TRAPPC11: variants seen among roughly 807,000 people sequenced by gnomAD.
TRAPPC11 encodes the protein trafficking protein particle complex subunit 11, also known as foie gras homolog.
Under a neutral mutation model 151.2 loss-of-function variants are expected in TRAPPC11, and 104 were observed. The ratio of observed to expected loss-of-function variants is 0.69; its 90% CI spans 0.59 to 0.81. TRAPPC11 has a LOEUF of 0.81. Ranked by LOEUF, TRAPPC11 falls within the 30% of genes least tolerant of loss-of-function variation. The probability of loss-of-function intolerance (pLI) is 0.00; values close to 1 mark genes in which losing one functional copy is unlikely to be tolerated. For missense variants in TRAPPC11, 1,230 were observed against 1,349.6 expected (o/e 0.91, Z 1.39); for synonymous variants, 456 against 472.3 (o/e 0.97, Z 0.45).
rs77591305 is a variant in TRAPPC11, at chr4:183,662,588, G to A, written c.-21-1259G>A. 1.1e-3 allele frequency among the ~76,000 whole-genome samples: 163 copies of A among 152,030 alleles called. 2 individuals carry two copies. The East Asian group carries it at 0.031, about 28-fold the overall frequency. ...TCCCTTACAGATTTTTCTTTAAAGAGTAAATTTTATATTGTGGGAAATGAG... is the reference window on the plus strand; with the variant it reads ...TCCCTTACAGATTTTTCTTTAAAGAATAAATTTTATATTGTGGGAAATGAG... On this transcript the variant is annotated intron_variant, in intron 1 of 29. Transcript: ENST00000334690.
intron 26 of TRAPPC11, 97 bp downstream of exon 26, chr4:183,701,905 C>T (rs1038704549): frequency 5.9e-6 from 5 of 854,018 alleles, no homozygotes; most frequent in Non-Finnish European, 9.6e-6. Context: ...GAGTTTCTGT[C>T]ATTCTGAAGA....
In TRAPPC11 at chr4:183,680,267, A is replaced by T. The variant is rs2111348911; in HGVS notation, c.1113A>T (p.Glu371Asp). 1 of 1,613,900 alleles carries T rather than the reference A, an allele frequency of 6.2e-7. No individual in the cohort carries two copies. Reference protein sequence around the residue: ...KQLAKTLCNHEASVMYPNPDP... With the variant: ...KQLAKTLCNHDASVMYPNPDP... ...TTGCAAAAACCCTCTGTAACCACGA[A>T]GTAAGTTACTCACTCCGTATTATCT... Residue 371 changes from glutamate to aspartate, a missense_variant and splice_region_variant, in exon 10 of 30, where the codon GAA becomes GAT. By Grantham distance (45) the Glu-to-Asp change is conservative (BLOSUM62 2). Coordinates refer to ENST00000334690, the MANE Select transcript of TRAPPC11 (RefSeq NM_021942.6).
intron 18 of TRAPPC11, among the ~76,000 whole-genome samples, chr4:183,688,506 C>G (rs927910432): frequency 2.0e-5 from 3 of 152,082 alleles, no homozygotes; most frequent in African/African-American, 7.2e-5. Context: ...AAACAGATGT[C>G]TTTGAAGATT....
chr4:183,667,300 A>G lies in TRAPPC11; in HGVS notation c.445+170A>G, dbSNP rs187786289. On this transcript the variant is annotated intron_variant, in intron 4 of 29. Coordinates refer to ENST00000334690, the MANE Select transcript of TRAPPC11 (RefSeq NM_021942.6). ...CATGAACAAATGCTTATTGTAAAAAATTAAAGATAGTGAAGAATGCAAATC... is the reference window on the plus strand; with the variant it reads ...CATGAACAAATGCTTATTGTAAAAAGTTAAAGATAGTGAAGAATGCAAATC... 9.5e-4 allele frequency among the ~76,000 whole-genome samples: 144 copies of G among 152,330 alleles called. 1 individual carries two copies. The Middle Eastern group carries it at 0.01, about 11-fold the overall frequency.
At position 183,668,110 on chromosome 4, in the gene TRAPPC11, A is replaced by G. The variant is rs768069255; in HGVS notation, c.553A>G (p.Ile185Val). Residue 185 changes from isoleucine to valine, a missense_variant, in exon 5 of 30, where the codon ATT (isoleucine) becomes GTT (valine). By Grantham distance (29) the Ile-to-Val change is conservative (BLOSUM62 3). Transcript: ENST00000334690. Reference protein sequence around the residue: ...LPHTDHLVGYIIRLENAFYEH... With the variant: ...LPHTDHLVGYVIRLENAFYEH... Reference sequence around the variant, plus strand: ...GCACACTGACCACCTTGTGGGTTATATTATAAGGTAAGTAGAGGTCTTTTA... The same window carrying G: ...GCACACTGACCACCTTGTGGGTTATGTTATAAGGTAAGTAGAGGTCTTTTA... 6.3e-7 allele frequency: 1 copy of G among 1,590,462 alleles called. No homozygotes were observed. The highest frequency in any genetic ancestry group is 8.6e-7 in the Non-Finnish European group (1 of 1,164,536).
Position 183,712,582 on chromosome 4 carries a change from G to A in TRAPPC11, c.3358-18G>A. The A allele has an allele frequency of 6.2e-7, 1 of 1,613,346 alleles. No homozygotes were observed. The highest frequency in any genetic ancestry group is 8.5e-7 in the Non-Finnish European group (1 of 1,179,568). On this transcript the variant is annotated intron_variant, in intron 29 of 29. Transcript: ENST00000334690. ...TATTATAATTTTGTAAACCCACTTT[G>A]TTTTTCCCACTTTAAAGCCACAGGG...
chr4:183,694,113 G>A (rs1000649741), intron 22 of TRAPPC11, 75 bp downstream of exon 22: 1 of 1,507,380 alleles, frequency 6.6e-7, no homozygotes, highest in Non-Finnish European at 9.1e-7. Context: ...GTTTTTAACA[G>A]TTCAGAGCGT....
At chr4:183,697,639 A>G in intron 24 of TRAPPC11, 40 bp from the exon 25 acceptor site, 1 of 1,610,498 alleles carries the variant, frequency 6.2e-7, no homozygotes, top group South Asian at 1.1e-5. Context: ...AAATGGATTA[A>G]GGTAATTCCT....
intron 1 of TRAPPC11, among the ~76,000 whole-genome samples, chr4:183,661,973 C>G (rs1013777818): frequency 3.9e-5 from 6 of 151,916 alleles, no homozygotes; most frequent in African/African-American, 1.2e-4. Flanking sequence ...CTATGTTTCC[C>G]AGGCCAGTCT....
At chr4:183,681,656 TGTAGTCCCAGCTACTG>T (rs1486990393) in intron 10 of TRAPPC11, among the ~76,000 whole-genome samples, 1 of 151,898 alleles carries the variant, frequency 6.6e-6, no homozygotes, top group Non-Finnish European at 1.5e-5. Flanking sequence ...GGCGGGGGCC[TGTAGTCCCAGCTACTG>T]GGGAGGCTGA....
intron 9 of TRAPPC11, 142 bp downstream of exon 9, chr4:183,679,628 G>T: frequency 1.6e-6 from 1 of 607,092 alleles, no homozygotes. Context: ...GTATGTTTCT[G>T]GTAATATTGT....
intron 18 of TRAPPC11, among the ~76,000 whole-genome samples, chr4:183,690,576 G>A (rs534243749): frequency 1.3e-5 from 2 of 152,310 alleles, no homozygotes; most frequent in African/African-American, 4.8e-5. Flanking sequence ...TAGGACAACT[G>A]TATGTGAGAG....
chr4:183,666,916 G>A, intron 3 of TRAPPC11, 144 bp from the exon 4 acceptor site: 1 of 573,796 alleles, frequency 1.7e-6, no homozygotes, highest in South Asian at 3.0e-5. Context: ...TGTGCTTTGT[G>A]TGCAGGAAAA....
At chr4:183,667,825 G>A (rs573189106) in intron 4 of TRAPPC11, 178 bp from the exon 5 acceptor site, 15 of 607,986 alleles carry the variant, frequency 2.5e-5, no homozygotes, top group East Asian at 1.7e-4. Context: ...GGCATATACT[G>A]TGTAACCTCT....
intron 22 of TRAPPC11, among the ~76,000 whole-genome samples, 144 bp from the exon 23 acceptor site, chr4:183,694,447 GCATTGATGAGTTA>G (rs1736426304): frequency 1.3e-5 from 2 of 152,182 alleles, no homozygotes; most frequent in South Asian, 4.1e-4. Context: ...TACAGTGGGA[GCATTGATGAGTTA>G]CATTGTAACA....
rs764158202 is a variant in TRAPPC11, at chr4:183,705,029, C to T, written c.3014C>T (p.Pro1005Leu). The stretch of plus-strand genomic sequence containing the variant: ...ATCATCACAACTGTCATCACTCTGC[C>T]GCACGTGATTGTGGAGAATATCCCT... ...IPIITTVITL[P>L]HVIVENIPLH... The change falls in exon 27 of 30, where the codon CCG (proline) becomes CTG (leucine). Residue 1005 changes from proline to leucine, a missense_variant. Transcript: ENST00000334690. 2.5e-5 allele frequency: 40 copies of T among 1,599,852 alleles called. No individual in the cohort carries two copies. The highest frequency in any genetic ancestry group is 3.2e-5 in the Non-Finnish European group (37 of 1,170,158).
At chr4:183,694,755 A>G (rs1736445038) in intron 23 of TRAPPC11, 32 bp downstream of exon 23, 1 of 1,589,660 alleles carries the variant, frequency 6.3e-7, no homozygotes. Flanking sequence ...ATAAAGCATC[A>G]TATGTGGAGT....
chr4:183,674,189 G>A (rs1403103019), intron 5 of TRAPPC11, among the ~76,000 whole-genome samples: 14 of 150,118 alleles, frequency 9.3e-5, no homozygotes, highest in African/African-American at 3.4e-4. Flanking sequence ...CAAGGTGGGC[G>A]GATCACTTGA....
At chr4:183,689,476 A>T (rs1377894857) in intron 18 of TRAPPC11, among the ~76,000 whole-genome samples, 1 of 152,078 alleles carries the variant, frequency 6.6e-6, no homozygotes, top group African/African-American at 2.4e-5. Flanking sequence ...TGGTAGTACT[A>T]ATCACACTGT....
Sources: gnomAD v4.1 joint callset for allele counts (sites outside exome capture counted in the v4.1 genomes callset) on GRCh38, gnomAD v4.1.1 for gene constraint, MANE v1.5 for transcripts, NCBI Gene and HGNC (gene_info 2026-07-23, HGNC 2026-07-21) for gene names.